Variants in THSD7B observed in about 807,000 individuals in gnomAD.
THSD7B encodes the protein thrombospondin type 1 domain containing 7B, also known as thrombospondin type-1 domain-containing protein 7B.
Under a neutral mutation model 213.6 loss-of-function variants are expected in THSD7B, and 138 were observed. The observed-to-expected ratio is 0.65, with a 90% CI of 0.56 to 0.74. The LOEUF (loss-of-function observed/expected upper bound fraction) is 0.74, where lower values mean the gene tolerates loss of function less well. THSD7B is among the 30% of genes least tolerant of loss of function. The pLI, the probability that THSD7B is intolerant of heterozygous loss-of-function variation, is 0.00. For synonymous variants in THSD7B, 742 were observed against 687.0 expected (o/e 1.08, Z -1.25); for missense variants, 1,931 against 1,991.5 (o/e 0.97, Z 0.58).
chr2:137,194,329 C>A (rs1176821104), intron 7 of THSD7B, among the ~76,000 whole-genome samples: 1 of 152,094 alleles, frequency 6.6e-6, no homozygotes, highest in Non-Finnish European at 1.5e-5. Flanking sequence ...CCTAAAGCTG[C>A]CACAAGGGAA....
chr2:136,979,840 G>A (rs1427400303), intron 2 of THSD7B, among the ~76,000 whole-genome samples: 1 of 152,104 alleles, frequency 6.6e-6, no homozygotes, highest in Admixed American at 6.5e-5. Flanking sequence ...TTGGAGAAGA[G>A]ACACTCTTGC....
intron 20 of THSD7B, among the ~76,000 whole-genome samples, chr2:137,623,776 T>G (rs1682568160): frequency 1.3e-5 from 2 of 152,292 alleles, no homozygotes; most frequent in South Asian, 2.1e-4. Context: ...TTACAAGGGA[T>G]GTGAAGGACC....
At chr2:137,390,760 A>G (rs1435347927) in intron 12 of THSD7B, among the ~76,000 whole-genome samples, 5 of 152,166 alleles carry the variant, frequency 3.3e-5, no homozygotes, top group African/African-American at 4.8e-5. Context: ...TGGATTTATC[A>G]AATGTTATTT....
chr2:136,903,181 A>T (rs1684090964), intron 2 of THSD7B, among the ~76,000 whole-genome samples: 1 of 152,208 alleles, frequency 6.6e-6, no homozygotes, highest in South Asian at 2.1e-4. Flanking sequence ...AAAAATATGA[A>T]ATTAGATAAT....
intron 2 of THSD7B, among the ~76,000 whole-genome samples, chr2:137,019,666 T>C (rs1217111082): frequency 6.6e-6 from 1 of 152,220 alleles, no homozygotes; most frequent in Non-Finnish European, 1.5e-5. Flanking sequence ...TGAAGACTTA[T>C]AATTCTTTGT....
At chr2:136,772,765 TGAG>T (rs1681532238) in intron 1 of THSD7B, among the ~76,000 whole-genome samples, 1 of 152,132 alleles carries the variant, frequency 6.6e-6, no homozygotes, top group Non-Finnish European at 1.5e-5. Flanking sequence ...GACAACTTAC[TGAG>T]AAGAGAAGAA....
chr2:136,987,576 G>GC (rs945945988), intron 2 of THSD7B, among the ~76,000 whole-genome samples: 1 of 152,114 alleles, frequency 6.6e-6, no homozygotes, highest in Non-Finnish European at 1.5e-5. Flanking sequence ...ACAGAGAAGG[G>GC]CCAGAATACT....
At chr2:137,425,249 C>T (rs1687027157) in intron 14 of THSD7B, among the ~76,000 whole-genome samples, 1 of 151,456 alleles carries the variant, frequency 6.6e-6, no homozygotes, top group Non-Finnish European at 1.5e-5. Flanking sequence ...CGGAGTCTTG[C>T]TCTGTTGCTG....
rs539696244 is a variant in THSD7B, at chr2:137,561,886, C to T, written c.3139-1335C>T. On this transcript the variant is annotated intron_variant, in intron 15 of 27. Transcript: ENST00000409968. ...CACACCCATTTCCACTTCTATTTTC[C>T]CATCTTTCATTTTGTCCTCACATAT... 2.3e-3 allele frequency among the ~76,000 whole-genome samples: 346 copies of T among 152,084 alleles called. 3 individuals carry two copies. Among genetic ancestry groups the T allele is most frequent in the African/African-American group, 7.8e-3 (322 of 41,488 alleles).
intron 2 of THSD7B, among the ~76,000 whole-genome samples, chr2:136,916,639 C>T (rs1684353097): frequency 6.6e-6 from 1 of 152,180 alleles, no homozygotes; most frequent in African/African-American, 2.4e-5. Flanking sequence ...AATGTATTTT[C>T]CCCGCTGCTT....
chr2:136,834,544 A>G (rs809012), intron 1 of THSD7B, among the ~76,000 whole-genome samples: 42,186 of 151,628 alleles, frequency 0.28, 6,413 homozygotes, highest in Non-Finnish European at 0.34. Flanking sequence ...ACCCTGTGAC[A>G]TATTTGTGGA....
At chr2:137,463,202 A>C (rs1687924191) in intron 15 of THSD7B, among the ~76,000 whole-genome samples, 1 of 152,148 alleles carries the variant, frequency 6.6e-6, no homozygotes, top group Admixed American at 6.5e-5. Flanking sequence ...AGCAAGGACC[A>C]TGTAGCGTAA....
At chr2:137,267,964 C>T (rs1296928082) in intron 10 of THSD7B, among the ~76,000 whole-genome samples, 1 of 152,180 alleles carries the variant, frequency 6.6e-6, no homozygotes, top group Non-Finnish European at 1.5e-5. Flanking sequence ...TGCCCATCTT[C>T]TCTTACCTGG....
At chr2:137,419,926 T>G (rs992057140) in intron 14 of THSD7B, among the ~76,000 whole-genome samples, 1 of 152,142 alleles carries the variant, frequency 6.6e-6, no homozygotes, top group Non-Finnish European at 1.5e-5. Flanking sequence ...GATACCCCTT[T>G]GCTATATTGA....
At chr2:137,162,585 G>T (rs912583284) in intron 6 of THSD7B, among the ~76,000 whole-genome samples, 8 of 152,148 alleles carry the variant, frequency 5.3e-5, no homozygotes, top group Non-Finnish European at 8.8e-5. Flanking sequence ...TTTTATAGGT[G>T]CTTGTTAAAT....
At chr2:137,419,221 G>T (rs753239989) in intron 14 of THSD7B, among the ~76,000 whole-genome samples, 1 of 151,142 alleles carries the variant, frequency 6.6e-6, no homozygotes, top group Admixed American at 6.6e-5. Context: ...CCACATTTTT[G>T]ATGCAGGATT....
chr2:137,290,336 G>A (rs1028225781), intron 12 of THSD7B, among the ~76,000 whole-genome samples: 2 of 152,074 alleles, frequency 1.3e-5, no homozygotes, highest in Admixed American at 6.5e-5. Context: ...TGATCTGTCC[G>A]CCTGGGCCTC....
At chr2:136,939,871 AC>A (rs1464170705) in intron 2 of THSD7B, among the ~76,000 whole-genome samples, 1 of 151,022 alleles carries the variant, frequency 6.6e-6, no homozygotes, top group Non-Finnish European at 1.5e-5. Context: ...CCCTACCACC[AC>A]CCCCCGACAC....
intron 7 of THSD7B, among the ~76,000 whole-genome samples, chr2:137,202,819 T>G (rs71419533): frequency 0.046 from 7,010 of 152,238 alleles, 200 homozygotes; most frequent in Admixed American, 0.068. Flanking sequence ...CTTCCAGATT[T>G]CTATTTGACT....
Sources: allele counts gnomAD v4.1 joint callset (sites outside exome capture counted in the v4.1 genomes callset), GRCh38; gene constraint gnomAD v4.1.1; transcripts MANE v1.5; gene names NCBI Gene and HGNC (gene_info 2026-07-23, HGNC 2026-07-21).